Variants in ITGAL observed in about 807,000 individuals in gnomAD.
ITGAL encodes the protein integrin alpha-L.
Under a neutral mutation model 138.4 loss-of-function variants are expected in ITGAL, and 68 were observed. The ratio of observed to expected loss-of-function variants is 0.49; its 90% CI spans 0.40 to 0.60. ITGAL has a LOEUF of 0.60. Ranked by LOEUF, ITGAL falls within the 20% of genes least tolerant of loss-of-function variation. ITGAL has a pLI of 0.00. For missense variants in ITGAL, 1,256 were observed against 1,478.6 expected (o/e 0.85, Z 2.47); for synonymous variants, 561 against 584.3 (o/e 0.96, Z 0.57).
At chr16:30,485,276 G>GAGTGCAGTGGCGCAGTCTCTGCTCACTGT (rs2050628123) in intron 9 of ITGAL, among the ~76,000 whole-genome samples, 2 of 144,838 alleles carry the variant, frequency 1.4e-5, no homozygotes. Flanking sequence ...GCCCAGGCTG[G>GAGTGCAGTGGCGCAGTCTCTGCTCACTGT]AGTGCAGTGG....
intron 11 of ITGAL, among the ~76,000 whole-genome samples, chr16:30,491,079 G>GA (rs780873743): frequency 5.1e-4 from 72 of 140,318 alleles, no homozygotes; most frequent in South Asian, 1.4e-3. Flanking sequence ...AGGTTGCAGT[G>GA]AAAAAAAAAA....
chr16:30,507,220 G>A (rs908741379), intron 21 of ITGAL, among the ~76,000 whole-genome samples: 3 of 152,168 alleles, frequency 2.0e-5, no homozygotes, highest in Non-Finnish European at 4.4e-5. Context: ...AGCACCTTGG[G>A]AGGCCGAGGC....
At chr16:30,514,772 C>G (rs971722527) in intron 25 of ITGAL, among the ~76,000 whole-genome samples, 2 of 152,056 alleles carry the variant, frequency 1.3e-5, no homozygotes, top group African/African-American at 4.8e-5. Flanking sequence ...GCCCAGTCTC[C>G]AAACCCAGGT....
At chr16:30,501,357 C>T (rs1460340178) in intron 17 of ITGAL, among the ~76,000 whole-genome samples, 23 of 151,960 alleles carry the variant, frequency 1.5e-4, no homozygotes, top group Admixed American at 1.4e-3. Flanking sequence ...GGGCAGATCA[C>T]CTGAGATTGG....
At chr16:30,511,178 G>A (rs201846724) in intron 24 of ITGAL, 42 bp downstream of exon 24, 50 of 1,491,032 alleles carry the variant, frequency 3.4e-5, no homozygotes, top group African/African-American at 1.1e-4. Context: ...TCCTCCCACC[G>A]CAGCCTCCCA....
rs375590421 is a variant in ITGAL, at chr16:30,474,062, C to T, written c.62-134C>T. Reference sequence around the variant, plus strand: ...CTCCTTCCATATTCCCAGAAGTCAACGCCCTGGAGGGGAAGCGCAGGGTGC... The same window carrying T: ...CTCCTTCCATATTCCCAGAAGTCAATGCCCTGGAGGGGAAGCGCAGGGTGC... On this transcript the variant is annotated intron_variant, in intron 1 of 30. Coordinates refer to ENST00000356798, the MANE Select transcript of ITGAL (RefSeq NM_002209.3). 2.3e-4 allele frequency: 168 copies of T among 715,114 alleles called. 3 individuals carry two copies. In the South Asian group the frequency reaches 2.4e-3, roughly 10 times the overall value. The allele number at this position is 715,114 out of a possible 1,614,324, so 44.3% of individuals were successfully genotyped here.
chr16:30,478,596 G>A (rs2050506616), intron 4 of ITGAL, among the ~76,000 whole-genome samples: 1 of 151,066 alleles, frequency 6.6e-6, no homozygotes, highest in African/African-American at 2.4e-5. Flanking sequence ...TACTCAGAAG[G>A]CTGAGGCAGG....
chr16:30,518,822 C>G, intron 29 of ITGAL, 103 bp downstream of exon 29: 1 of 836,028 alleles, frequency 1.2e-6, no homozygotes, highest in Non-Finnish European at 2.0e-6. Flanking sequence ...CTGTGCGAGT[C>G]AGAACTTCCC....
rs148420170 is a variant in ITGAL at position 30,496,192 on chromosome 16, C to T, written c.1599C>T (p.Gly533=). 225 of 1,613,884 alleles carry T rather than the reference C, an allele frequency of 1.4e-4. No individual in the cohort carries two copies. Among genetic ancestry groups the T allele is most frequent in the African/African-American group, 1.3e-3 (96 of 75,014 alleles). Residue 533 remains glycine (G), a synonymous_variant, in exon 14 of 31, where the codon GGC becomes GGT. Transcript: ENST00000356798. ...TCACTGCTCTGACAGACATCAACGG[C>T]GATGGGCTGGTAGACGTGGCTGTGG... ...EAITALTDIN[G]DGLVDVAVGA...
Position 30,475,414 on chromosome 16 carries a change from G to A in ITGAL, c.259+14G>A. On this transcript the variant is annotated intron_variant, in intron 3 of 30. Transcript: ENST00000356798. The stretch of plus-strand genomic sequence containing the variant: ...TCACCCTGAGAGGTGAGTAACTGGG[G>A]GGTGAGCTGGGAGGAATGGGATCTT... 1 of 1,608,790 alleles carries A rather than the reference G, an allele frequency of 6.2e-7. No individual in the cohort carries two copies. The highest frequency in any genetic ancestry group is 1.1e-5 in the South Asian group (1 of 90,938).
At chr16:30,474,552 G>A in intron 2 of ITGAL, 1 of 499,918 alleles carries the variant, frequency 2.0e-6, no homozygotes, top group Non-Finnish European at 3.6e-6. Context: ...ACTTCGCATT[G>A]CCCAGTAGGT....
At chr16:30,509,319 A>G (rs1243231510) in intron 21 of ITGAL, 2 of 152,060 alleles carry the variant, frequency 1.3e-5, no homozygotes, top group Non-Finnish European at 2.9e-5. Flanking sequence ...GTATTTCCTT[A>G]TCTGTTTCCT....
rs2051188943 is a variant in ITGAL at position 30,517,673 on chromosome 16, G to A, written c.3001G>A (p.Glu1001Lys). The A allele has an allele frequency of 6.2e-7, 1 of 1,614,048 alleles. No individual in the cohort carries two copies. Among genetic ancestry groups the A allele is most frequent in the South Asian group, 1.1e-5 (1 of 91,086 alleles). The change falls in exon 27 of 31, where the codon GAG (glutamate) becomes AAG (lysine). Residue 1001 changes from glutamate (E) to lysine (K), a missense_variant. Glu to Lys is a moderately conservative substitution (Grantham distance 56). Coordinates refer to ENST00000356798, the MANE Select transcript of ITGAL (RefSeq NM_002209.3). ...QMEPPVPCHY[E>K]DLERLPDAAE... ...GGAGCCTCCCGTGCCCTGCCACTATGAGGATCTGGAGAGGCTCCCGGATGC... is the reference window on the plus strand; with the variant it reads ...GGAGCCTCCCGTGCCCTGCCACTATAAGGATCTGGAGAGGCTCCCGGATGC...
In ITGAL at chr16:30,499,104, G is replaced by A. The variant is rs1228554364; in HGVS notation, c.1863G>A (p.Leu621=). The change falls in exon 16 of 31, where the codon CTG becomes CTA. Residue 621 remains leucine (L), a synonymous_variant. Transcript: ENST00000356798. The part of the protein sequence containing the change: ...SSRPVVDMVT[L]MSFSPAEIPV... ...GGCCCGTGGTGGATATGGTCACCCT[G>A]ATGTCCTTCTCTCCAGCTGAGATCC... 6.2e-7 allele frequency: 1 copy of A among 1,614,114 alleles called. No homozygotes were observed. The highest frequency in any genetic ancestry group is 8.5e-7 in the Non-Finnish European group (1 of 1,180,020).
intron 9 of ITGAL, among the ~76,000 whole-genome samples, chr16:30,487,486 T>C (rs1337795048): frequency 1.3e-5 from 2 of 152,184 alleles, no homozygotes; most frequent in South Asian, 2.1e-4. Flanking sequence ...CTTGGCTCAC[T>C]GCAACCTCAG....
Position 30,475,531 on chromosome 16 carries a change from A to T in ITGAL, c.278A>T (p.Lys93Met). The T allele has an allele frequency of 6.2e-7, 1 of 1,614,058 alleles. No homozygotes were observed. The highest frequency in any genetic ancestry group is 8.5e-7 in the Non-Finnish European group (1 of 1,179,982). The change falls in exon 4 of 31, where the codon AAG becomes ATG. Residue 93 changes from lysine (K) to methionine (M), a missense_variant. Around this residue, in one of 3 missense-constraint regions of ITGAL, gnomAD observed 212 missense variants for 217.4 expected, o/e 0.98. Transcript: ENST00000356798. The part of the protein sequence containing the change: ...VTLRGSNYTS[K>M]YLGMTLATDP... Reference sequence around the variant, plus strand: ...CCTACAGGTTCCAACTATACCTCCAAGTACTTGGGAATGACCTTGGCAACA... The same window carrying T: ...CCTACAGGTTCCAACTATACCTCCATGTACTTGGGAATGACCTTGGCAACA...
intron 11 of ITGAL, among the ~76,000 whole-genome samples, chr16:30,490,006 C>A (rs916134416): frequency 6.6e-6 from 1 of 152,178 alleles, no homozygotes. Flanking sequence ...GCAGGTGAAT[C>A]ACCTGAGGTC....
chr16:30,516,573 C>T (rs940589982), intron 25 of ITGAL, among the ~76,000 whole-genome samples: 1 of 152,024 alleles, frequency 6.6e-6, no homozygotes, highest in Non-Finnish European at 1.5e-5. Flanking sequence ...AAGAATGGCT[C>T]CTGTCCTCAG....
chr16:30,485,452 G>C (rs1383785394), intron 9 of ITGAL, among the ~76,000 whole-genome samples: 1 of 152,034 alleles, frequency 6.6e-6, no homozygotes, highest in Non-Finnish European at 1.5e-5. Context: ...ATCTCGATCT[G>C]ACCTCGTGAC....
Sources: gnomAD v4.1 joint callset for allele counts (sites outside exome capture counted in the v4.1 genomes callset) on GRCh38, gnomAD v4.1.1 for gene constraint, gnomAD v4.1.1 regional missense constraint, MANE v1.5 for transcripts, NCBI Gene and HGNC (gene_info 2026-07-23, HGNC 2026-07-21) for gene names.